KANSL3: variants seen among roughly 807,000 people sequenced by gnomAD.
KANSL3 encodes the protein NSL complex protein NSL3.
A neutral mutation model predicts 89.2 loss-of-function variants in KANSL3; 16 were observed. The observed-to-expected ratio is 0.18, with a 90% CI of 0.12 to 0.27. The LOEUF (loss-of-function observed/expected upper bound fraction) is 0.27, where lower values mean the gene tolerates loss of function less well. Ranked by LOEUF, KANSL3 falls within the 10% of genes least tolerant of loss-of-function variation. The pLI, the probability that KANSL3 is intolerant of heterozygous loss-of-function variation, is 1.00. For synonymous variants in KANSL3, 385 were observed against 419.7 expected (o/e 0.92, Z 1.01); for missense variants, 879 against 1,110.6 (o/e 0.79, Z 2.96).
rs567324409 is a variant in KANSL3, at chr2:96,602,376, G to A, written c.2260-38C>T. On this transcript the variant is annotated intron_variant, in intron 18 of 20. Coordinates refer to ENST00000431828, the MANE Select transcript of KANSL3 (RefSeq NM_001115016.3). Reference sequence around the variant, plus strand: ...CAAGCCCAGGTGATCAGAAGCTGTCGCCCAACAGCAACATTCGAGCTTGGA... The same window carrying A: ...CAAGCCCAGGTGATCAGAAGCTGTCACCCAACAGCAACATTCGAGCTTGGA... 6.7e-6 allele frequency: 10 copies of A among 1,498,048 alleles called. No homozygotes were observed. In the South Asian group the frequency reaches 9.5e-5, roughly 14 times the overall value. The allele number at this position is 1,498,048 out of a possible 1,614,324, so 92.8% of individuals were successfully genotyped here.
downstream of KANSL3, among the ~76,000 whole-genome samples, chr2:96,588,461 A>C (rs1299837297): frequency 1.3e-5 from 2 of 152,260 alleles, no homozygotes; most frequent in African/African-American, 4.8e-5. Flanking sequence ...TGCCGCTGAC[A>C]ACAAAGAAGA....
chr2:96,627,240 A>T (rs1410325849), intron 3 of KANSL3, among the ~76,000 whole-genome samples: 1 of 151,056 alleles, frequency 6.6e-6, no homozygotes, highest in African/African-American at 2.4e-5. Context: ...TTTGAGACGG[A>T]GTCTTGCTCT....
intron 3 of KANSL3, among the ~76,000 whole-genome samples, chr2:96,625,433 T>C (rs2072114024): frequency 6.6e-6 from 1 of 152,262 alleles, no homozygotes; most frequent in African/African-American, 2.4e-5. Flanking sequence ...TTGCAAACTT[T>C]AATTCCAACA....
At position 96,605,369 on chromosome 2, in the gene KANSL3, C is replaced by T; in HGVS notation, c.1884G>A (p.Gly628=). Residue 628 remains glycine (G), a synonymous_variant, in exon 15 of 21, where the codon GGG becomes GGA. Coordinates refer to ENST00000431828, the MANE Select transcript of KANSL3 (RefSeq NM_001115016.3). ...GAGCACAAGGCCCTCCAGCTGTGTC[C>T]CCTTGGGAGATAAGGGACACCTTGA... is the stretch of plus-strand genomic sequence containing the variant. ...PKIKVSLISQ[G]DTAGGPCAPS... 6.2e-7 allele frequency: 1 copy of T among 1,613,756 alleles called. No homozygotes were observed. The highest frequency in any genetic ancestry group is 8.5e-7 in the Non-Finnish European group (1 of 1,179,860).
chr2:96,600,060 A>G (rs1247433150), intron 20 of KANSL3, among the ~76,000 whole-genome samples: 1 of 152,230 alleles, frequency 6.6e-6, no homozygotes, highest in African/African-American at 2.4e-5. Context: ...GAACCCAGCT[A>G]TCTACCTAAC....
chr2:96,619,461 C>G lies in KANSL3; in HGVS notation c.561G>C (p.Trp187Cys), dbSNP rs890545569. Residue 187 changes from tryptophan to cysteine, a missense_variant, in exon 5 of 21, where the codon TGG (tryptophan) becomes TGC (cysteine). Trp to Cys is a radical substitution (Grantham distance 215). Coordinates refer to ENST00000431828, the MANE Select transcript of KANSL3 (RefSeq NM_001115016.3). ...RVRQALASVS[W>C]DTKLIQWLHT... ...GCAGCCACTGGATCAGCTTGGTATC[C>G]CAGCTCACACTTGCCAGAGCCTGCC... 1.2e-6 allele frequency: 2 copies of G among 1,614,018 alleles called. No individual in the cohort carries two copies. Among genetic ancestry groups the G allele is most frequent in the South Asian group, 1.1e-5 (1 of 91,072 alleles).
At chr2:96,583,186 C>T in the KANSL3 span, among the ~76,000 whole-genome samples, 2 of 152,332 alleles carry the variant, frequency 1.3e-5, no homozygotes, top group African/African-American at 4.8e-5. Context: ...TAAGTGTCAC[C>T]CACCTTCCCA....
chr2:96,616,141 G>A (rs941480248), intron 5 of KANSL3, among the ~76,000 whole-genome samples: 2 of 152,186 alleles, frequency 1.3e-5, no homozygotes, highest in African/African-American at 4.8e-5. Context: ...AGTAAGGAAG[G>A]AGGAGGATGT....
chr2:96,624,855 T>C (rs2072006445), intron 3 of KANSL3, among the ~76,000 whole-genome samples: 1 of 152,058 alleles, frequency 6.6e-6, no homozygotes, highest in Non-Finnish European at 1.5e-5. Context: ...CTCATACAAG[T>C]ATCTCTGTAG....
chr2:96,610,794 C>A lies in KANSL3; in HGVS notation c.1251G>T (p.Glu417Asp). Residue 417 changes from glutamate to aspartate, a missense_variant, in exon 11 of 21, where the codon GAG (glutamate) becomes GAT (aspartate). This residue lies in a region of KANSL3 where 198 missense variants were observed against 260.3 expected (regional missense o/e 0.76). Coordinates refer to ENST00000431828, the MANE Select transcript of KANSL3 (RefSeq NM_001115016.3). ...CAGCTCGAATCTTCTCCCGGAAGTC[C>A]TCCATGGCTTCAGGGTGACATTGAA... ...NSLQCHPEAM[E>D]DFREKIRAEN... is the part of the protein sequence containing the mutation. The A allele has an allele frequency of 6.2e-7, 1 of 1,614,016 alleles. No individual in the cohort carries two copies. Among genetic ancestry groups the A allele is most frequent in the Non-Finnish European group, 8.5e-7 (1 of 1,179,860 alleles).
At chr2:96,619,262 G>T in intron 5 of KANSL3, 97 bp downstream of exon 5, 1 of 1,203,666 alleles carries the variant, frequency 8.3e-7, no homozygotes, top group Non-Finnish European at 1.1e-6. Flanking sequence ...ATGCACTCCA[G>T]ACCGACCAGA....
chr2:96,610,613 C>G, intron 11 of KANSL3, 113 bp downstream of exon 11: 1 of 1,275,418 alleles, frequency 7.8e-7, no homozygotes, highest in South Asian at 1.4e-5. Flanking sequence ...CCGCGCCCGG[C>G]TAATGCTGTC....
At position 96,610,808 on chromosome 2, in the gene KANSL3, G is replaced by A; in HGVS notation, c.1237C>T (p.Pro413Ser). ...VIGQNSLQCH[P>S]EAMEDFREKI... ...TCCCGGAAGTCCTCCATGGCTTCAG[G>A]GTGACATTGAAGGGAATTCTGACCA... Residue 413 changes from proline to serine, a missense_variant, in exon 11 of 21, where the codon CCT becomes TCT. Physicochemically the swap from Pro to Ser is moderately conservative, Grantham distance 74. Around this residue, in one of 6 missense-constraint regions of KANSL3, gnomAD observed 198 missense variants for 260.3 expected, o/e 0.76. Transcript: ENST00000431828. 1 of 1,613,894 alleles carries A rather than the reference G, an allele frequency of 6.2e-7. No individual in the cohort carries two copies. The highest frequency in any genetic ancestry group is 8.5e-7 in the Non-Finnish European group (1 of 1,179,832).
At chr2:96,630,530 A>G (rs2073193723) in intron 3 of KANSL3, among the ~76,000 whole-genome samples, 1 of 152,260 alleles carries the variant, frequency 6.6e-6, no homozygotes, top group Non-Finnish European at 1.5e-5. Context: ...GCTGGGAGGA[A>G]ACGGGAAGTA....
At chr2:96,586,375 G>T in the KANSL3 span, among the ~76,000 whole-genome samples, 1 of 152,084 alleles carries the variant, frequency 6.6e-6, no homozygotes, top group African/African-American at 2.4e-5. Flanking sequence ...ACTTACCCAT[G>T]TAACCAAAAA....
At chr2:96,603,969 T>C (rs1394559547) in intron 17 of KANSL3, 2 of 285,466 alleles carry the variant, frequency 7.0e-6, no homozygotes, top group Non-Finnish European at 1.3e-5. Flanking sequence ...TATACATATA[T>C]GTCCTATCGG....
At chr2:96,586,243 G>C in the KANSL3 span, among the ~76,000 whole-genome samples, 2 of 147,098 alleles carry the variant, frequency 1.4e-5, no homozygotes, top group African/African-American at 5.0e-5. Flanking sequence ...AAAAAAAAAA[G>C]ATATAATTGA....
At chr2:96,598,041 A>C (rs1036042157) in intron 20 of KANSL3, 2 of 925,108 alleles carry the variant, frequency 2.2e-6, no homozygotes, top group Non-Finnish European at 1.3e-6. Context: ...TCTCAATGGT[A>C]ACTGGCTGGC....
At chr2:96,606,425 A>T (rs1212053333) in intron 14 of KANSL3, 2 of 152,762 alleles carry the variant, frequency 1.3e-5, no homozygotes, top group East Asian at 3.9e-4. Context: ...GGAAGCAAAG[A>T]CTGGTGTGGG....
Sources: allele counts gnomAD v4.1 joint callset (sites outside exome capture counted in the v4.1 genomes callset), GRCh38; gene constraint gnomAD v4.1.1; regional missense constraint gnomAD v4.1.1; transcripts MANE v1.5; gene names NCBI Gene and HGNC (gene_info 2026-07-23, HGNC 2026-07-21).